The following JAZF1 variants were observed in gnomAD, a reference collection of about 807,000 sequenced individuals.
JAZF1 encodes the protein JAZF zinc finger 1, also known as juxtaposed with another zinc finger protein 1.
A neutral mutation model predicts 26.4 loss-of-function variants in JAZF1; 8 were observed. That is an observed-to-expected ratio of 0.30 (90% CI 0.18 to 0.55). The LOEUF (loss-of-function observed/expected upper bound fraction) is 0.55. Ranked by LOEUF, JAZF1 falls within the 20% of genes least tolerant of loss-of-function variation. JAZF1 has a pLI of 0.94. For synonymous variants in JAZF1, 126 were observed against 122.3 expected, an observed-to-expected ratio of 1.03 and a Z score of -0.20; for missense variants, 199 against 322.0, an observed-to-expected ratio of 0.62 and a Z score of 2.92.
chr7:27,939,148 T>C (rs1166761657), intron 2 of JAZF1, among the ~76,000 whole-genome samples: 2 of 152,160 alleles, frequency 1.3e-5, no homozygotes, highest in African/African-American at 2.4e-5. Flanking sequence ...AGAGCAAACC[T>C]TCCTGCTTCA....
At chr7:28,057,851 C>T (rs1235881578) in intron 1 of JAZF1, among the ~76,000 whole-genome samples, 2 of 152,258 alleles carry the variant, frequency 1.3e-5, no homozygotes, top group Non-Finnish European at 2.9e-5. Flanking sequence ...CTTGATCAAT[C>T]TTGGCAGAGG....
intron 2 of JAZF1, among the ~76,000 whole-genome samples, chr7:27,913,727 C>T (rs1272267080): frequency 6.6e-6 from 1 of 150,390 alleles, no homozygotes; most frequent in East Asian, 2.0e-4. Flanking sequence ...ATACCTTGGC[C>T]ATTTGCTTTC....
chr7:28,147,876 C>A (rs983243983), intron 1 of JAZF1, among the ~76,000 whole-genome samples: 26 of 151,740 alleles, frequency 1.7e-4, no homozygotes, highest in African/African-American at 6.1e-4. Flanking sequence ...CACCACTACA[C>A]CCCAGCCTGA....
At chr7:28,030,174 A>T (rs1049202149) in intron 1 of JAZF1, among the ~76,000 whole-genome samples, 2 of 152,228 alleles carry the variant, frequency 1.3e-5, no homozygotes, top group African/African-American at 2.4e-5. Context: ...TAAAGAATTG[A>T]AAAGGAGTGT....
chr7:28,014,721 T>C (rs1782855183), intron 1 of JAZF1, among the ~76,000 whole-genome samples: 1 of 152,322 alleles, frequency 6.6e-6, no homozygotes, highest in South Asian at 2.1e-4. Flanking sequence ...CAGACTAGTA[T>C]ATAGGTCCTA....
At chr7:28,019,204 T>C (rs1431182930) in intron 1 of JAZF1, among the ~76,000 whole-genome samples, 2 of 152,198 alleles carry the variant, frequency 1.3e-5, no homozygotes, top group East Asian at 3.8e-4. Context: ...CATTCTCCTC[T>C]GCATCTAAGC....
At position 28,081,712 on chromosome 7, in the gene JAZF1, A is replaced by G. The variant is rs142259268; in HGVS notation, c.116-89731T>C. Among the ~76,000 whole-genome samples, 16 of 152,280 alleles carry G rather than the reference A, an allele frequency of 1.1e-4. 1 individual carries two copies. In the East Asian group the frequency reaches 3.1e-3, roughly 29 times the overall value. On this transcript the variant is annotated intron_variant, in intron 1 of 4. Transcript: ENST00000283928. Reference sequence around the variant, plus strand: ...ATTTAATAAAACATCAAGGCCAGGGAGTTTGTGATACTCAAAACTTTGTGG... The same window carrying G: ...ATTTAATAAAACATCAAGGCCAGGGGGTTTGTGATACTCAAAACTTTGTGG...
intron 1 of JAZF1, among the ~76,000 whole-genome samples, chr7:28,031,596 G>GA (rs1258998344): frequency 2.0e-5 from 3 of 152,144 alleles, no homozygotes; most frequent in African/African-American, 7.2e-5. Context: ...TTTTCACTTA[G>GA]AAAATGGGCT....
intron 1 of JAZF1, among the ~76,000 whole-genome samples, chr7:28,080,638 T>G (rs1429751286): frequency 1.3e-5 from 2 of 152,132 alleles, no homozygotes; most frequent in Non-Finnish European, 2.9e-5. Flanking sequence ...ATTTCAACAC[T>G]GCCATGTCTC....
At chr7:28,080,674 GAAGA>G (rs1784121210) in intron 1 of JAZF1, among the ~76,000 whole-genome samples, 1 of 152,152 alleles carries the variant, frequency 6.6e-6, no homozygotes, top group Admixed American at 6.6e-5. Flanking sequence ...TCAGGGAGAG[GAAGA>G]GAGACAGAGG....
rs958367062 is a variant in JAZF1 at position 28,021,670 on chromosome 7, G to A, written c.116-29689C>T. Among the ~76,000 whole-genome samples the A allele has an allele frequency of 2.0e-4, 30 of 152,192 alleles. 1 individual carries two copies. Among genetic ancestry groups the A allele is most frequent in the African/African-American group, 6.5e-4 (27 of 41,442 alleles). On this transcript the variant is annotated intron_variant, in intron 1 of 4. Transcript: ENST00000283928. Reference sequence around the variant, plus strand: ...GACAGAGGCACTAGACACCAGGCAGGGCCTCCTGACCAGCTCTTGCTCCTC... The same window carrying A: ...GACAGAGGCACTAGACACCAGGCAGAGCCTCCTGACCAGCTCTTGCTCCTC...
At chr7:28,002,698 CACTT>C (rs1782623884) in intron 1 of JAZF1, among the ~76,000 whole-genome samples, 1 of 152,154 alleles carries the variant, frequency 6.6e-6, no homozygotes, top group Non-Finnish European at 1.5e-5. Context: ...ATTCATCACT[CACTT>C]AAGTGTGGCT....
chr7:27,999,319 T>C (rs1786085025), intron 1 of JAZF1, among the ~76,000 whole-genome samples: 1 of 152,064 alleles, frequency 6.6e-6, no homozygotes, highest in Non-Finnish European at 1.5e-5. Flanking sequence ...TGATGACAGA[T>C]CCAAGCAGCA....
chr7:28,158,296 C>A (rs971426595), intron 1 of JAZF1, among the ~76,000 whole-genome samples: 10 of 151,790 alleles, frequency 6.6e-5, no homozygotes, highest in Non-Finnish European at 1.0e-4. Context: ...GATAAAAAGG[C>A]AAGGAGGGGT....
intron 1 of JAZF1, among the ~76,000 whole-genome samples, chr7:28,158,186 C>CACACACACAGAGAG (rs149643430): frequency 3.5e-5 from 5 of 143,346 alleles, no homozygotes; most frequent in Non-Finnish European, 7.5e-5. Context: ...CACACACACA[C>CACACACACAGAGAG]AGAGAGAGAG....
chr7:28,167,385 C>G (rs1040191947), intron 1 of JAZF1, among the ~76,000 whole-genome samples: 2 of 152,174 alleles, frequency 1.3e-5, no homozygotes. Context: ...ATCACCCCAT[C>G]TTAGAGAGGA....
chr7:27,852,170 C>T (rs918631217), intron 3 of JAZF1, among the ~76,000 whole-genome samples: 6 of 149,270 alleles, frequency 4.0e-5, no homozygotes, highest in African/African-American at 1.5e-4. Flanking sequence ...CTCACTCTGT[C>T]GCCCAGGCTG....
chr7:28,020,501 T>C (rs1348672283), intron 1 of JAZF1: 1 of 465,652 alleles, frequency 2.1e-6, no homozygotes, highest in Non-Finnish European at 4.4e-6. Flanking sequence ...CTATGACCCC[T>C]AGGACTGATC....
chr7:27,888,133 C>G (rs143756343), intron 3 of JAZF1, among the ~76,000 whole-genome samples: 1,935 of 152,246 alleles, frequency 0.013, 41 homozygotes, highest in African/African-American at 0.045. Context: ...AAATGTAAAT[C>G]AGATCAATAC....
Sources: allele counts gnomAD v4.1 joint callset (sites outside exome capture counted in the v4.1 genomes callset), GRCh38; gene constraint gnomAD v4.1.1; transcripts MANE v1.5; gene names NCBI Gene and HGNC (gene_info 2026-07-23, HGNC 2026-07-21).